The following FAM81A variants were observed in gnomAD, a reference collection of about 807,000 sequenced individuals.
The protein encoded by FAM81A is protein FAM81A.
Under a neutral mutation model 46.7 loss-of-function variants are expected in FAM81A, and 19 were observed. That is an observed-to-expected ratio of 0.41 (90% CI 0.28 to 0.60). The LOEUF is 0.60. Ranked by LOEUF, FAM81A falls within the 20% of genes least tolerant of loss-of-function variation. The pLI is 0.34. For missense variants in FAM81A, 377 were observed against 453.5 expected (o/e 0.83, Z 1.53); for synonymous variants, 183 against 152.9 (o/e 1.20, Z -1.45).
At chr15:59,487,024 C>T (rs1555432014) in intron 3 of FAM81A, among the ~76,000 whole-genome samples, 1 of 151,574 alleles carries the variant, frequency 6.6e-6, no homozygotes, top group Non-Finnish European at 1.5e-5. Flanking sequence ...GTAAACTATT[C>T]CTTATCTTAA....
In FAM81A at chr15:59,522,004, T is replaced by C. The variant is rs2082332894; in HGVS notation, c.*626T>C. ...TGCTAACTGCCATGTGGATTGCAAA[T>C]TAAATGGAAACTTATTTAGATAACG... is the stretch of plus-strand genomic sequence containing the variant. On this transcript the variant is annotated 3_prime_UTR_variant, in exon 9 of 9. Coordinates refer to ENST00000288228, the MANE Select transcript of FAM81A (RefSeq NM_152450.3). 1 of 152,624 alleles carries C rather than the reference T, an allele frequency of 6.6e-6. No homozygotes were observed. The highest frequency in any genetic ancestry group is 6.5e-5 in the Admixed American group (1 of 15,286). The allele number at this position is 152,624 out of a possible 1,614,324, so 9.5% of individuals were successfully genotyped here.
chr15:59,406,600 G>C (rs149130616), intron 2 of FAM81A, among the ~76,000 whole-genome samples: 2 of 152,276 alleles, frequency 1.3e-5, no homozygotes, highest in Admixed American at 6.5e-5. Flanking sequence ...CCACAATCCA[G>C]TTTTAGAACA....
At chr15:59,470,342 A>G (rs1299082274) in intron 3 of FAM81A, among the ~76,000 whole-genome samples, 4 of 152,190 alleles carry the variant, frequency 2.6e-5, no homozygotes, top group African/African-American at 9.7e-5. Flanking sequence ...AGGTACAACA[A>G]TCCAATGTAG....
At chr15:59,440,111 C>G (rs1475078149) in intron 1 of FAM81A, 3 of 152,302 alleles carry the variant, frequency 2.0e-5, no homozygotes, top group Non-Finnish European at 4.4e-5. Flanking sequence ...CCAACCAAGT[C>G]TCCTCTCGGA....
At chr15:59,439,791 A>T (rs1183878910) in intron 1 of FAM81A, among the ~76,000 whole-genome samples, 1 of 152,174 alleles carries the variant, frequency 6.6e-6, no homozygotes, top group African/African-American at 2.4e-5. Context: ...AAGCCCTACC[A>T]ACCATTTAAT....
chr15:59,476,171 T>C (rs928732784), intron 3 of FAM81A, among the ~76,000 whole-genome samples: 2 of 152,074 alleles, frequency 1.3e-5, no homozygotes, highest in African/African-American at 4.8e-5. Flanking sequence ...AATCACCTCT[T>C]ATAGGCCCCA....
intron 1 of FAM81A, chr15:59,444,043 C>G (rs186832102): frequency 1.3e-5 from 2 of 152,488 alleles, no homozygotes; most frequent in Admixed American, 6.5e-5. Flanking sequence ...CCAGTTCAAA[C>G]TGATCCTGCC....
chr15:59,434,830 C>T (rs74017793), upstream of FAM81A, among the ~76,000 whole-genome samples: 2,716 of 152,158 alleles, frequency 0.018, 67 homozygotes, highest in African/African-American at 0.062. Flanking sequence ...AACTGCTTTC[C>T]AGCCTTCTTA....
At chr15:59,508,514 A>G (rs970536786) in intron 5 of FAM81A, among the ~76,000 whole-genome samples, 3 of 152,194 alleles carry the variant, frequency 2.0e-5, no homozygotes, top group South Asian at 2.1e-4. Flanking sequence ...TCTATTTTCT[A>G]TGACGAGCCG....
chr15:59,509,368 T>C (rs567107616), intron 6 of FAM81A, among the ~76,000 whole-genome samples: 118 of 152,340 alleles, frequency 7.7e-4, no homozygotes, highest in African/African-American at 2.4e-3. Context: ...TTCATGGTTG[T>C]GTAGGCTGAA....
intron 4 of FAM81A, among the ~76,000 whole-genome samples, chr15:59,506,740 G>A (rs192772191): frequency 6.6e-6 from 1 of 152,058 alleles, no homozygotes; most frequent in East Asian, 1.9e-4. Context: ...TGAACTGGCT[G>A]CAAAGCCTTC....
At chr15:59,451,831 C>G (rs559916367) in intron 1 of FAM81A, among the ~76,000 whole-genome samples, 10 of 152,186 alleles carry the variant, frequency 6.6e-5, no homozygotes, top group African/African-American at 2.2e-4. Flanking sequence ...GTTGCACATT[C>G]ATTCTCAAGC....
intron 8 of FAM81A, among the ~76,000 whole-genome samples, chr15:59,520,361 G>A (rs1476698783): frequency 1.3e-5 from 2 of 151,946 alleles, no homozygotes; most frequent in Non-Finnish European, 2.9e-5. Context: ...AACTCATTGT[G>A]GTTTTAATTT....
intron 1 of FAM81A, among the ~76,000 whole-genome samples, chr15:59,450,156 C>A (rs564595064): frequency 6.8e-6 from 1 of 147,822 alleles, no homozygotes; most frequent in African/African-American, 2.5e-5. Flanking sequence ...CAGGCCCAGT[C>A]CTGGGTTCAA....
chr15:59,476,727 T>A (rs371760147), intron 3 of FAM81A, among the ~76,000 whole-genome samples: 22 of 150,740 alleles, frequency 1.5e-4, no homozygotes, highest in African/African-American at 5.1e-4. Context: ...GAGGTGGAGG[T>A]TGCAGTGAGC....
chr15:59,493,288 T>G (rs2082000615), intron 4 of FAM81A, among the ~76,000 whole-genome samples: 1 of 152,080 alleles, frequency 6.6e-6, no homozygotes, highest in Admixed American at 6.6e-5. Context: ...GCTGGACATG[T>G]GTGTTTGAGT....
intron 2 of FAM81A, among the ~76,000 whole-genome samples, chr15:59,411,049 C>CT (rs2081118370): frequency 6.6e-6 from 1 of 152,228 alleles, no homozygotes; most frequent in South Asian, 2.1e-4. Flanking sequence ...CGCGCCAGGC[C>CT]CAGATGTTTC....
Position 59,460,045 on chromosome 15 carries a change from G to A in FAM81A, c.133G>A (p.Ala45Thr), listed in dbSNP as rs1181338730. 14 of 1,613,756 alleles carry A rather than the reference G, an allele frequency of 8.7e-6. No homozygotes were observed. Among genetic ancestry groups the A allele is most frequent in the African/African-American group, 2.7e-5 (2 of 74,884 alleles). The change falls in exon 3 of 9, where the codon GCC (alanine) becomes ACC (threonine). Residue 45 changes from alanine to threonine, a missense_variant. Ala to Thr is a moderately conservative substitution (Grantham distance 58). Transcript: ENST00000288228. The surrounding 1 kb of genome is among the most constrained non-coding windows in gnomAD (Gnocchi z 4.4). Reference protein sequence around the residue: ...DRILCHEKTTAALVEHAFRIK... With the variant: ...DRILCHEKTTTALVEHAFRIK... ...GATCCTCTGCCATGAGAAAACCACCGCCGCCCTCGTAGAGCACGCCTTTCG... is the reference window on the plus strand; with the variant it reads ...GATCCTCTGCCATGAGAAAACCACCACCGCCCTCGTAGAGCACGCCTTTCG...
At chr15:59,516,618 A>G in intron 7 of FAM81A, 27 bp from the exon 8 acceptor site, 1 of 1,591,096 alleles carries the variant, frequency 6.3e-7, no homozygotes, top group Non-Finnish European at 8.5e-7. Context: ...TGGAGTGATT[A>G]AGTGCAGTTC....
Sources: allele counts gnomAD v4.1 joint callset (sites outside exome capture counted in the v4.1 genomes callset), GRCh38; gene constraint gnomAD v4.1.1; non-coding constraint Gnocchi (gnomAD v3.1); transcripts MANE v1.5; gene names NCBI Gene and HGNC (gene_info 2026-07-23, HGNC 2026-07-21).